PARVB: variants seen among roughly 807,000 people sequenced by gnomAD.
PARVB encodes the protein parvin beta.
In PARVB, 46 loss-of-function variants were observed where a neutral mutation model predicts 47.0. The observed-to-expected ratio is 0.98, with a 90% CI of 0.77 to 1.25. The LOEUF is 1.25. Ranked by LOEUF, PARVB falls within the 50% of genes most tolerant of loss-of-function variation. The pLI, the probability that PARVB is intolerant of heterozygous loss-of-function variation, is 0.00. For synonymous variants in PARVB, 196 were observed against 196.3 expected (o/e 1.00, Z 0.01); for missense variants, 473 against 471.6 (o/e 1.00, Z -0.03).
intron 1 of PARVB, among the ~76,000 whole-genome samples, chr22:44,055,801 G>A (rs559795520): frequency 2.6e-5 from 4 of 152,276 alleles, no homozygotes; most frequent in East Asian, 3.9e-4. Context: ...GCCCAAGTGC[G>A]GGAGGAGACC....
At chr22:43,999,834 GAA>G (rs113458130) in intron 2 of PARVB, among the ~76,000 whole-genome samples, 1,019 of 69,286 alleles carry the variant, frequency 0.015, 4 homozygotes, top group African/African-American at 0.043. Context: ...CCATCTATAT[GAA>G]AAAAAAAAAA....
In PARVB at chr22:44,024,453, T is replaced by A; in HGVS notation, c.112+2T>A. The A allele has an allele frequency of 8.6e-7, 1 of 1,164,638 alleles. No homozygotes were observed. Among genetic ancestry groups the A allele is most frequent in the South Asian group, 3.0e-5 (1 of 33,842 alleles). 72.1% of individuals were successfully genotyped at this position (1,164,638 alleles called of 1,614,324 possible). On this transcript the variant is annotated splice_donor_variant, in intron 1 of 12. Transcript: ENST00000338758. LOFTEE classifies it high-confidence loss of function. ...CCAGGAAGCGGAGGGCGCGCGAGGG[T>A]GAGTGCGCGCCCGCGCCCGCCGACC...
At chr22:44,147,683 C>T in intron 8 of PARVB, 178 bp from the exon 9 acceptor site, 2 of 756,712 alleles carry the variant, frequency 2.6e-6, no homozygotes, top group Middle Eastern at 5.1e-4. Flanking sequence ...CTTGGTTTGG[C>T]CGGGACTGAT....
At chr22:44,004,517 A>G (rs2050444734) in intron 2 of PARVB, among the ~76,000 whole-genome samples, 1 of 152,174 alleles carries the variant, frequency 6.6e-6, no homozygotes, top group Non-Finnish European at 1.5e-5. Context: ...AGGCCCAGCG[A>G]GTTCCTGCTT....
rs778608280 is a variant in PARVB at position 44,163,858 on chromosome 22, G to T, written c.946G>T (p.Val316Phe). The T allele has an allele frequency of 1.9e-6, 3 of 1,607,548 alleles. No homozygotes were observed. The highest frequency in any genetic ancestry group is 2.2e-5 in the South Asian group (2 of 89,174). ...YLTPESFDQK[V>F]HNVSFAFELM... ...CTGACCCACCCCCCTTCCTTGGCAGGTCCACAATGTGTCCTTCGCCTTTGA... is the reference window on the plus strand; with the variant it reads ...CTGACCCACCCCCCTTCCTTGGCAGTTCCACAATGTGTCCTTCGCCTTTGA... The change falls in exon 12 of 13, where the codon GTC becomes TTC. Residue 316 changes from valine (V) to phenylalanine (F), a missense_variant and splice_region_variant. Transcript: ENST00000338758.
chr22:44,051,952 T>G (rs2051216892), intron 1 of PARVB, among the ~76,000 whole-genome samples: 1 of 152,142 alleles, frequency 6.6e-6, no homozygotes, highest in Non-Finnish European at 1.5e-5. Context: ...CACCGAGGAC[T>G]GATGGCCACC....
Position 44,122,554 on chromosome 22 carries a change from CACAGAGACAGAGAGAGAGAGAGAGAG to C in PARVB, c.376+3416_376+3441del, listed in dbSNP as rs2053086477. 1.8e-3 allele frequency among the ~76,000 whole-genome samples: 95 copies of C among 54,074 alleles called. 6 individuals are homozygous for C. The highest frequency in any genetic ancestry group is 0.011 in the Middle Eastern group (1 of 92). 35.5% of individuals were successfully genotyped at this position (54,074 alleles called of 152,430 possible). ...AGAGAGAGAGAGAGAGAGAGAGAGA[CACAGAGACAGAGAGAGAGAGAGAGAG>C]AGAGAGAGAGAGAGAGAGAGAGAGA... On this transcript the variant is annotated intron_variant, in intron 4 of 12. Transcript: ENST00000338758.
chr22:44,078,594 A>C (rs1024257823), intron 1 of PARVB, among the ~76,000 whole-genome samples: 3 of 152,198 alleles, frequency 2.0e-5, no homozygotes, highest in Non-Finnish European at 4.4e-5. Flanking sequence ...TCCTTACCTA[A>C]TCACATCTAC....
intron 1 of PARVB, among the ~76,000 whole-genome samples, chr22:44,061,061 G>T (rs2051409346): frequency 6.6e-6 from 1 of 152,190 alleles, no homozygotes; most frequent in African/African-American, 2.4e-5. Context: ...TGCGTTCTCT[G>T]CAAGGCATAC....
chr22:44,119,438 C>G (rs547522502), intron 4 of PARVB, among the ~76,000 whole-genome samples: 7 of 152,322 alleles, frequency 4.6e-5, no homozygotes, highest in Non-Finnish European at 8.8e-5. Flanking sequence ...TCCCTGCCAC[C>G]CTCTTTTGAC....
intron 1 of PARVB, among the ~76,000 whole-genome samples, chr22:44,055,930 C>T (rs1426227621): frequency 2.6e-5 from 4 of 152,162 alleles, no homozygotes; most frequent in African/African-American, 4.8e-5. Context: ...TCTACCGATT[C>T]GAATGCTAAC....
chr22:44,137,770 A>T (rs2053468811), intron 7 of PARVB, among the ~76,000 whole-genome samples: 1 of 152,072 alleles, frequency 6.6e-6, no homozygotes, highest in East Asian at 1.9e-4. Context: ...GGGTGCTCTC[A>T]GGGTCCTGAG....
chr22:44,148,670 C>G (rs1380729348), intron 9 of PARVB: 2 of 152,950 alleles, frequency 1.3e-5, no homozygotes, highest in Non-Finnish European at 2.9e-5. Context: ...TTGTCAGAAC[C>G]TTTAATAGGC....
rs192159849 is a variant in PARVB, at chr22:44,161,817, G to A, written c.946-2041G>A. On this transcript the variant is annotated intron_variant, in intron 11 of 12. Coordinates refer to ENST00000338758, the MANE Select transcript of PARVB (RefSeq NM_013327.5). The stretch of plus-strand genomic sequence containing the variant: ...AGGGGAACTGCGTTCTGCACCCTCC[G>A]CACGGGCCGTCCTCACTCCTCCCCC... 6.2e-4 allele frequency among the ~76,000 whole-genome samples: 95 copies of A among 152,226 alleles called. 2 individuals are homozygous for A. The highest frequency in any genetic ancestry group is 5.4e-3 in the Admixed American group (82 of 15,298).
intron 1 of PARVB, among the ~76,000 whole-genome samples, chr22:44,087,734 C>T (rs968270863): frequency 2.0e-5 from 3 of 150,986 alleles, no homozygotes; most frequent in Admixed American, 6.6e-5. Context: ...AAAGATGGAA[C>T]TTTCGCATTT....
chr22:44,116,698 A>G lies in PARVB; in HGVS notation c.274-2340A>G, dbSNP rs531045769. On this transcript the variant is annotated intron_variant, in intron 3 of 12. Coordinates refer to ENST00000338758, the MANE Select transcript of PARVB (RefSeq NM_013327.5). The stretch of plus-strand genomic sequence containing the variant: ...TTTCAAAGATTTGCTCCCATTGCTA[A>G]TGGGACAGGATGAGACAGGGTGCTG... Among the ~76,000 whole-genome samples, 47 of 152,264 alleles carry G rather than the reference A, an allele frequency of 3.1e-4. No homozygotes were observed. In the East Asian group the frequency reaches 8.5e-3, roughly 28 times the overall value.
intron 1 of PARVB, among the ~76,000 whole-genome samples, chr22:44,041,904 A>AATAC (rs1014957968): frequency 1.3e-5 from 2 of 151,868 alleles, no homozygotes; most frequent in African/African-American, 2.4e-5. Context: ...TAAATAAATA[A>AATAC]ATACATACAT....
At chr22:44,019,535 T>G (rs556419800), upstream of PARVB, among the ~76,000 whole-genome samples, 1 of 152,200 alleles carries the variant, frequency 6.6e-6, no homozygotes, top group Non-Finnish European at 1.5e-5. Context: ...TGGTAATTAA[T>G]AAAGAAAAGA....
chr22:44,171,856 TGCCCAG>T lies in PARVB; in HGVS notation c.*3181_*3186del, dbSNP rs2054272638. 6.7e-6 allele frequency: 1 copy of T among 148,934 alleles called. No individual in the cohort carries two copies. The highest frequency in any genetic ancestry group is 2.1e-4 in the South Asian group (1 of 4,728). The allele number at this position is 148,934 out of a possible 1,614,324, so 9.2% of individuals were successfully genotyped here. A position where few individuals can be genotyped will look rare whatever the true frequency, so the allele number is the denominator to read the frequency against. On this transcript the variant is annotated 3_prime_UTR_variant, in exon 13 of 13. Coordinates refer to ENST00000338758, the MANE Select transcript of PARVB (RefSeq NM_013327.5). ...TTTTTGAGATAAGTTCTCACTGCGT[TGCCCAG>T]GCTGGAGTGCAGTGGTCATTCACAG...
Sources: gnomAD v4.1 joint callset for allele counts (sites outside exome capture counted in the v4.1 genomes callset) on GRCh38, gnomAD v4.1.1 for gene constraint, MANE v1.5 for transcripts, NCBI Gene and HGNC (gene_info 2026-07-23, HGNC 2026-07-21) for gene names.